MYB: variants seen among roughly 807,000 people sequenced by gnomAD.
The protein encoded by MYB is transcriptional activator Myb.
A neutral mutation model predicts 92.9 loss-of-function variants in MYB; 28 were observed. The ratio of observed to expected loss-of-function variants is 0.30; its 90% CI spans 0.22 to 0.41. The LOEUF is 0.41. Ranked by LOEUF, MYB falls within the 10% of genes least tolerant of loss-of-function variation. The probability of loss-of-function intolerance (pLI) is 1.00; values close to 1 mark genes in which losing one functional copy is unlikely to be tolerated. For synonymous variants in MYB, 295 were observed against 329.1 expected (o/e 0.90, Z 1.12); for missense variants, 679 against 929.3 (o/e 0.73, Z 3.50).
intron 15 of MYB, chr6:135,203,949 C>A: frequency 1.8e-6 from 2 of 1,084,262 alleles, no homozygotes; most frequent in South Asian, 2.0e-5. Context: ...AATCCTGAGC[C>A]AAATGTAAAT....
intron 14 of MYB, 96 bp downstream of exon 14, chr6:135,201,845 C>T (rs1778141361): frequency 1.9e-6 from 1 of 517,314 alleles, no homozygotes; most frequent in East Asian, 3.4e-5. Flanking sequence ...TTCAGCACTC[C>T]CTCTTTAACA....
At chr6:135,200,937 G>T (rs368936842) in intron 13 of MYB, among the ~76,000 whole-genome samples, 2 of 152,016 alleles carry the variant, frequency 1.3e-5, no homozygotes, top group African/African-American at 4.8e-5. Context: ...AAATTAGCTG[G>T]GTTTGGTGGC....
chr6:135,190,399 T>C lies in MYB; in HGVS notation c.527+52T>C. ...ATCGGGAAGAATGAGGGAGTGGGTA[T>C]TGAACATTCTGCTTTAAATGTATGG... is the stretch of plus-strand genomic sequence containing the variant. On this transcript the variant is annotated intron_variant, in intron 5 of 15. Transcript: ENST00000341911. The surrounding 1 kb of genome is among the most constrained non-coding windows in gnomAD (Gnocchi z 4.5). 1 of 1,379,278 alleles carries C rather than the reference T, an allele frequency of 7.3e-7. No homozygotes were observed. The highest frequency in any genetic ancestry group is 1.0e-6 in the Non-Finnish European group (1 of 977,106). 85.4% of individuals were successfully genotyped at this position (1,379,278 alleles called of 1,614,324 possible).
At position 135,189,865 on chromosome 6, in the gene MYB, C is replaced by T. The variant is rs757154345; in HGVS notation, c.288C>T (p.Thr96=). Residue 96 remains threonine (T), a synonymous_variant, in exon 4 of 16, where the codon ACC becomes ACT. Coordinates refer to ENST00000341911, the MANE Select transcript of MYB (RefSeq NM_001130173.2). Reference sequence around the variant, plus strand: ...CTGAGCTCATCAAGGGTCCTTGGACCAAAGAAGAAGATCAGAGAGTAAGTT... The same window carrying T: ...CTGAGCTCATCAAGGGTCCTTGGACTAAAGAAGAAGATCAGAGAGTAAGTT... ...LNPELIKGPW[T]KEEDQRVIEL... 6.1e-5 allele frequency: 99 copies of T among 1,613,810 alleles called. No individual in the cohort carries two copies. The highest frequency in any genetic ancestry group is 8.3e-5 in the Admixed American group (5 of 60,012).
intron 13 of MYB, among the ~76,000 whole-genome samples, chr6:135,201,319 A>G (rs1014324881): frequency 6.6e-6 from 1 of 152,250 alleles, no homozygotes; most frequent in Admixed American, 6.5e-5. Context: ...TATGTCACCA[A>G]AATAAAATCC....
At chr6:135,197,344 A>G (rs1777474659) in intron 10 of MYB, 21 bp downstream of exon 10, 13 of 1,559,248 alleles carry the variant, frequency 8.3e-6, no homozygotes, top group Non-Finnish European at 1.0e-5. Flanking sequence ...ATTTCTGCAC[A>G]GCTGTTACTC....
At position 135,192,510 on chromosome 6, in the gene MYB, C is replaced by T; in HGVS notation, c.714C>T (p.Pro238=). Residue 238 remains proline, a synonymous_variant, in exon 6 of 16, where the codon CCC becomes CCT. Transcript: ENST00000341911. ...PTAQLPATGQ[P]TVNNDYSYYH... The stretch of plus-strand genomic sequence containing the variant: ...CTCAACTCCCTGCCACTGGCCAGCC[C>T]ACTGTTAACAACGACTATTCCTATT... The T allele has an allele frequency of 1.2e-6, 2 of 1,614,244 alleles. No individual in the cohort carries two copies. The highest frequency in any genetic ancestry group is 1.7e-6 in the Non-Finnish European group (2 of 1,180,032).
chr6:135,200,672 G>T (rs899059305), intron 13 of MYB: 4 of 508,898 alleles, frequency 7.9e-6, no homozygotes, highest in African/African-American at 5.8e-5. Flanking sequence ...GGGAGGGAAA[G>T]AGGTTTTTAA....
chr6:135,213,631 C>T (rs1780041199), intron 15 of MYB, among the ~76,000 whole-genome samples: 1 of 152,168 alleles, frequency 6.6e-6, no homozygotes, highest in Admixed American at 6.5e-5. Context: ...CCTGTAATCC[C>T]AGCACTTTAG....
intron 15 of MYB, among the ~76,000 whole-genome samples, chr6:135,217,249 G>C (rs1367457668): frequency 6.6e-6 from 1 of 151,916 alleles, no homozygotes; most frequent in Admixed American, 6.6e-5. Flanking sequence ...CGTGCCTGTA[G>C]TCCCAGCTGC....
intron 15 of MYB, among the ~76,000 whole-genome samples, chr6:135,215,803 C>T (rs1583446090): frequency 6.6e-6 from 1 of 152,206 alleles, no homozygotes; most frequent in East Asian, 1.9e-4. Flanking sequence ...ACAGCATTGC[C>T]TTGACAGTTC....
intron 15 of MYB, among the ~76,000 whole-genome samples, chr6:135,209,415 G>C (rs1045541572): frequency 3.9e-5 from 6 of 152,102 alleles, no homozygotes; most frequent in Admixed American, 3.9e-4. Context: ...CGTATTTTTA[G>C]TAGAGACATG....
chr6:135,211,016 G>T (rs924268323), intron 15 of MYB, among the ~76,000 whole-genome samples: 1 of 151,944 alleles, frequency 6.6e-6, no homozygotes, highest in African/African-American at 2.4e-5. Flanking sequence ...CACCAAAAGA[G>T]AGAGCTGATT....
rs55748654 is a variant in MYB at position 135,204,701 on chromosome 6, G to A, written c.2169+1377G>A. 3.2e-4 allele frequency among the ~76,000 whole-genome samples: 49 copies of A among 152,280 alleles called. No homozygotes were observed. The South Asian group carries it at 9.9e-3, about 31-fold the overall frequency. On this transcript the variant is annotated intron_variant, in intron 15 of 15. Transcript: ENST00000341911. ...GCCTCTCTCTGACAGCAATTGTTTT[G>A]GTAAAATGGCTGTGGACTGGAATGT...
intron 15 of MYB, chr6:135,203,652 A>G: frequency 8.0e-7 from 1 of 1,255,014 alleles, no homozygotes; most frequent in Non-Finnish European, 1.1e-6. Context: ...AATGTTTTAT[A>G]AAAATATATC....
intron 8 of MYB, 125 bp downstream of exon 8, chr6:135,194,585 C>A: frequency 1.5e-6 from 1 of 671,436 alleles, no homozygotes; most frequent in Non-Finnish European, 2.5e-6. Flanking sequence ...TGTCTCAACA[C>A]AAGAAGTTGC....
chr6:135,194,871 G>T, intron 8 of MYB: 1 of 1,116,036 alleles, frequency 9.0e-7, no homozygotes. Flanking sequence ...ATGATTTGAT[G>T]CATGTTCAGT....
At position 135,181,443 on chromosome 6, in the gene MYB, G is replaced by T. The variant is rs1024290555; in HGVS notation, c.-71G>T. The stretch of plus-strand genomic sequence containing the variant: ...CAGCCGGGGAGGGACGCAGGCAGGC[G>T]GCGGGCAGCGGGAGGCGGCAGCCCG... On this transcript the variant is annotated 5_prime_UTR_variant, in exon 1 of 16. Coordinates refer to ENST00000341911, the MANE Select transcript of MYB (RefSeq NM_001130173.2). This position sits in a 1 kb window ranked among gnomAD's most constrained non-coding sequence, Gnocchi z 5.3. 4 of 1,057,912 alleles carry T rather than the reference G, an allele frequency of 3.8e-6. No individual in the cohort carries two copies. In the African/African-American group the frequency reaches 5.1e-5, roughly 14 times the overall value. The allele number at this position is 1,057,912 out of a possible 1,614,324, so 65.5% of individuals were successfully genotyped here. A position where few individuals can be genotyped will look rare whatever the true frequency, so the allele number is the denominator to read the frequency against.
intron 14 of MYB, chr6:135,202,583 G>C (rs550796273): frequency 5.4e-4 from 95 of 175,064 alleles, no homozygotes; most frequent in Non-Finnish European, 9.4e-4. Flanking sequence ...GGTCAGGCTG[G>C]TCTTGAACTC....
Sources: gnomAD v4.1 joint callset for allele counts (sites outside exome capture counted in the v4.1 genomes callset) on GRCh38, gnomAD v4.1.1 for gene constraint, Gnocchi (gnomAD v3.1) non-coding constraint, MANE v1.5 for transcripts, NCBI Gene and HGNC (gene_info 2026-07-23, HGNC 2026-07-21) for gene names.